Variants in P4HA1 observed in about 807,000 individuals in gnomAD.
P4HA1 encodes the protein prolyl 4-hydroxylase subunit alpha-1.
P4HA1 carries 24 observed loss-of-function variants against 72.8 expected under a neutral mutation model. The ratio of observed to expected loss-of-function variants is 0.33; its 90% CI spans 0.24 to 0.46. The LOEUF is 0.46. Ranked by LOEUF, P4HA1 falls within the 20% of genes least tolerant of loss-of-function variation. The pLI is 1.00. For synonymous variants in P4HA1, 201 were observed against 218.8 expected, an observed-to-expected ratio of 0.92 and a Z score of 0.72; for missense variants, 446 against 640.6, an observed-to-expected ratio of 0.70 and a Z score of 3.28.
At chr10:73,054,140 A>C (rs1841081160) in intron 5 of P4HA1, among the ~76,000 whole-genome samples, 1 of 152,138 alleles carries the variant, frequency 6.6e-6, no homozygotes, top group Non-Finnish European at 1.5e-5. Context: ...TCCTGATCTC[A>C]GGTGATCCAC....
intron 7 of P4HA1, among the ~76,000 whole-genome samples, chr10:73,050,221 C>G (rs905077664): frequency 2.0e-5 from 3 of 148,702 alleles, no homozygotes; most frequent in African/African-American, 4.9e-5. Flanking sequence ...ATAAAAAAAA[C>G]TATCACTTCC....
chr10:73,059,424 TAAAAAAAAAAAAA>T (rs920360586), intron 5 of P4HA1, among the ~76,000 whole-genome samples: 33 of 24,176 alleles, frequency 1.4e-3, no homozygotes, highest in African/African-American at 1.8e-3. Context: ...ACAATATATT[TAAAAAAAAAAAAA>T]AAAAAAAAAA....
At chr10:73,021,940 G>A (rs1443445099) in intron 10 of P4HA1, among the ~76,000 whole-genome samples, 1 of 152,212 alleles carries the variant, frequency 6.6e-6, no homozygotes, top group Non-Finnish European at 1.5e-5. Context: ...GCTGGAGGAG[G>A]GGTGTCCACC....
intron 1 of P4HA1, among the ~76,000 whole-genome samples, chr10:73,085,865 C>T (rs777200639): frequency 2.0e-5 from 3 of 152,282 alleles, no homozygotes; most frequent in Middle Eastern, 3.4e-3. Context: ...CAGTGGCATA[C>T]GCCTGTAGTT....
intron 10 of P4HA1, among the ~76,000 whole-genome samples, chr10:73,024,982 G>A (rs1348520877): frequency 1.3e-5 from 2 of 152,174 alleles, no homozygotes; most frequent in Non-Finnish European, 2.9e-5. Flanking sequence ...CTCTGAAATT[G>A]AGGCAATAAC....
chr10:73,040,142 T>C (rs531968695), intron 9 of P4HA1, among the ~76,000 whole-genome samples: 1 of 152,082 alleles, frequency 6.6e-6, no homozygotes, highest in African/African-American at 2.4e-5. Flanking sequence ...AGTGCTGATA[T>C]TACAGGCATG....
At chr10:73,029,437 AT>A (rs1266655182) in intron 10 of P4HA1, among the ~76,000 whole-genome samples, 21 of 148,340 alleles carry the variant, frequency 1.4e-4, no homozygotes, top group African/African-American at 3.6e-4. Context: ...AAAAAAAAAA[AT>A]TGCAACCAGA....
At chr10:73,027,877 G>GGAGAGAGGGACA (rs1840327681) in intron 10 of P4HA1, among the ~76,000 whole-genome samples, 1 of 131,234 alleles carries the variant, frequency 7.6e-6, no homozygotes, top group Non-Finnish European at 1.6e-5. Flanking sequence ...AGAGAGGGAG[G>GGAGAGAGGGACA]GAGGGAGGGA....
intron 9 of P4HA1, among the ~76,000 whole-genome samples, chr10:73,043,253 G>C (rs1589598349): frequency 1.3e-5 from 2 of 152,226 alleles, no homozygotes; most frequent in Non-Finnish European, 1.5e-5. Flanking sequence ...TGTGTCTGTG[G>C]ATAAATATTC....
At chr10:73,034,777 C>T (rs1368921512) in intron 9 of P4HA1, among the ~76,000 whole-genome samples, 1 of 151,846 alleles carries the variant, frequency 6.6e-6, no homozygotes, top group Non-Finnish European at 1.5e-5. Flanking sequence ...GACGGGGTTT[C>T]ATCATGGTGA....
rs147492908 is a variant in P4HA1 at position 73,075,728 on chromosome 10, T to TTA, written c.-32-815_-32-814dup. On this transcript the variant is annotated intron_variant, in intron 1 of 14. Transcript: ENST00000394890. Reference sequence around the variant, plus strand: ...TTGTTCCATCTTTTTCATATATATTTTATATATATATATAGTGTGTGTGTG... The same window carrying TTA: ...TTGTTCCATCTTTTTCATATATATTTTATATATATATATATAGTGTGTGTGTG... Among the ~76,000 whole-genome samples the TTA allele has an allele frequency of 2.8e-3, 414 of 150,110 alleles. 1 individual carries two copies. Among genetic ancestry groups the TTA allele is most frequent in the African/African-American group, 7.7e-3 (312 of 40,648 alleles).
chr10:73,031,123 C>G, intron 9 of P4HA1, among the ~76,000 whole-genome samples: 1 of 152,128 alleles, frequency 6.6e-6, no homozygotes, highest in Non-Finnish European at 1.5e-5. Flanking sequence ...AAATATCCAT[C>G]AATTTATCAA....
chr10:73,053,033 C>T (rs768720666), intron 6 of P4HA1, among the ~76,000 whole-genome samples: 4 of 152,126 alleles, frequency 2.6e-5, no homozygotes, highest in Non-Finnish European at 4.4e-5. Flanking sequence ...TAAAACATAA[C>T]ACCCTTCAAA....
chr10:73,038,622 CTTTTT>C (rs745518781), intron 9 of P4HA1, among the ~76,000 whole-genome samples: 2 of 108,842 alleles, frequency 1.8e-5, no homozygotes, highest in Admixed American at 9.2e-5. Context: ...TTTTTATTTG[CTTTTT>C]TTTTTTTTTT....
chr10:73,046,863 A>T, intron 8 of P4HA1, 62 bp downstream of exon 8: 1 of 1,248,870 alleles, frequency 8.0e-7, no homozygotes, highest in Non-Finnish European at 1.1e-6. Context: ...CTATTTTTTT[A>T]CAAAGAAAAA....
chr10:73,034,555 C>G (rs949806908), intron 9 of P4HA1, among the ~76,000 whole-genome samples: 3 of 149,592 alleles, frequency 2.0e-5, no homozygotes, highest in African/African-American at 4.9e-5. Flanking sequence ...TTTGTCAATT[C>G]TAGCTTATTT....
At chr10:73,051,350 C>A in intron 6 of P4HA1, 101 bp from the exon 7 acceptor site, 1 of 663,668 alleles carries the variant, frequency 1.5e-6, no homozygotes, top group Non-Finnish European at 2.5e-6. Flanking sequence ...ATTTATCTTC[C>A]AAACCAGGTT....
At chr10:73,087,639 G>T (rs1036018663) in intron 1 of P4HA1, among the ~76,000 whole-genome samples, 1 of 151,634 alleles carries the variant, frequency 6.6e-6, no homozygotes, top group African/African-American at 2.4e-5. Context: ...CAAATCTTTT[G>T]CTCTTTTTAA....
At chr10:73,044,093 C>T (rs1840799357) in intron 9 of P4HA1, 4 of 505,456 alleles carry the variant, frequency 7.9e-6, no homozygotes, top group Admixed American at 6.5e-5. Flanking sequence ...GGTCTCGAAT[C>T]CACAAAAACA....
Sources: allele counts gnomAD v4.1 joint callset (sites outside exome capture counted in the v4.1 genomes callset), GRCh38; gene constraint gnomAD v4.1.1; transcripts MANE v1.5; gene names NCBI Gene and HGNC (gene_info 2026-07-23, HGNC 2026-07-21).